Variants in USP6NL observed in about 807,000 individuals in gnomAD.
USP6NL encodes the protein USP6 N-terminal-like protein.
In USP6NL, 26 loss-of-function variants were observed where a neutral mutation model predicts 61.9. The ratio of observed to expected loss-of-function variants is 0.42; its 90% confidence interval spans 0.31 to 0.58. The LOEUF (loss-of-function observed/expected upper bound fraction) is 0.58, where lower values mean the gene tolerates loss of function less well. USP6NL is among the 20% of genes least tolerant of loss of function. The probability of loss-of-function intolerance (pLI) is 0.16; values close to 1 mark genes in which losing one functional copy is unlikely to be tolerated. For missense variants in USP6NL, 1,114 were observed against 1,034.3 expected, an observed-to-expected ratio of 1.08 and a Z score of -1.06; for synonymous variants, 432 against 390.1, an observed-to-expected ratio of 1.11 and a Z score of -1.27.
At chr10:11,556,695 C>T (rs534324153) in intron 2 of USP6NL, among the ~76,000 whole-genome samples, 1 of 152,160 alleles carries the variant, frequency 6.6e-6, no homozygotes, top group Admixed American at 6.5e-5. Flanking sequence ...CATTTTATTG[C>T]AACAAAACAA....
At chr10:11,555,470 AAAGAG>A (rs1836673589) in intron 2 of USP6NL, among the ~76,000 whole-genome samples, 1 of 79,276 alleles carries the variant, frequency 1.3e-5, no homozygotes, top group African/African-American at 5.0e-5. Flanking sequence ...AGAGAGAGAG[AAAGAG>A]AGAGAGAGAG....
In USP6NL at chr10:11,567,886, G is replaced by A. The variant is rs1276341805; in HGVS notation, c.4+29745C>T. 2.0e-5 allele frequency among the ~76,000 whole-genome samples: 3 copies of A among 152,084 alleles called. No individual in the cohort carries two copies. The East Asian group carries it at 5.8e-4, about 29-fold the overall frequency. ...TTCAGATAAAGAATCTAGTGTACAG[G>A]GAAGTTCCATAACTTGCTCAAGGCT... On this transcript the variant is annotated intron_variant, in intron 2 of 14. Transcript: ENST00000609104.
In USP6NL at chr10:11,573,775, C is replaced by T. The variant is rs549716276; in HGVS notation, c.4+23856G>A. On this transcript the variant is annotated intron_variant, in intron 2 of 14. Coordinates refer to ENST00000609104, the MANE Select transcript of USP6NL (RefSeq NM_014688.5). ...TTTCTGCTTTCAGAAAGCTCAAGCA[C>T]GAACACAGTTCAACTTCAGAGAAAT... The T allele has an allele frequency of 1.5e-4, 59 of 397,038 alleles. 1 individual carries two copies. The highest frequency in any genetic ancestry group is 6.7e-5 in the Non-Finnish European group (15 of 224,822). The allele number at this position is 397,038 out of a possible 1,614,324, so 24.6% of individuals were successfully genotyped here. A position where few individuals can be genotyped will look rare whatever the true frequency, so the allele number is the denominator to read the frequency against.
At chr10:11,558,669 A>G (rs1008557815) in intron 2 of USP6NL, among the ~76,000 whole-genome samples, 1 of 152,200 alleles carries the variant, frequency 6.6e-6, no homozygotes, top group African/African-American at 2.4e-5. Context: ...CCAAGCCTCT[A>G]AAGATTATCA....
chr10:11,601,726 G>A (rs961996544), intron 1 of USP6NL, among the ~76,000 whole-genome samples: 1 of 152,190 alleles, frequency 6.6e-6, no homozygotes, highest in Non-Finnish European at 1.5e-5. Flanking sequence ...AAAAGTAAAA[G>A]ACAAACACAA....
chr10:11,524,248 A>C (rs1835334572), intron 4 of USP6NL, among the ~76,000 whole-genome samples: 1 of 152,202 alleles, frequency 6.6e-6, no homozygotes, highest in African/African-American at 2.4e-5. Context: ...GATTATAACT[A>C]CTCAGAAGAA....
chr10:11,565,204 T>C (rs956082387), intron 2 of USP6NL: 4 of 152,250 alleles, frequency 2.6e-5, no homozygotes, highest in African/African-American at 9.6e-5. Context: ...CTTTTAACAC[T>C]ATTTTTCCTT....
chr10:11,546,093 C>T (rs2133470952), intron 2 of USP6NL, among the ~76,000 whole-genome samples: 1 of 152,326 alleles, frequency 6.6e-6, no homozygotes, highest in East Asian at 1.9e-4. Flanking sequence ...TTTACAATTT[C>T]ACAAACTCTC....
At chr10:11,498,491 G>A (rs1834042090) in intron 7 of USP6NL, among the ~76,000 whole-genome samples, 1 of 151,892 alleles carries the variant, frequency 6.6e-6, no homozygotes, top group African/African-American at 2.4e-5. Context: ...ACCTTGGGGT[G>A]AAAAGTCACC....
In USP6NL at chr10:11,460,571, A is replaced by G. The variant is rs2096210322; in HGVS notation, c.*1870T>C. ...CATCAAAAAAGTATACAGATAAAAA[A>G]TGTCATAAATGACATAAGAAAATAG... On this transcript the variant is annotated 3_prime_UTR_variant, in exon 15 of 15. Coordinates refer to ENST00000609104, the MANE Select transcript of USP6NL (RefSeq NM_014688.5). 6.7e-6 allele frequency: 1 copy of G among 149,914 alleles called. No individual in the cohort carries two copies. 9.3% of individuals were successfully genotyped at this position (149,914 alleles called of 1,614,324 possible).
chr10:11,573,590 A>T (rs1432412588), intron 2 of USP6NL: 4 of 398,818 alleles, frequency 1.0e-5, no homozygotes, highest in Non-Finnish European at 1.8e-5. Context: ...TTGATTGTTC[A>T]TTCTGCTAAT....
intron 2 of USP6NL, among the ~76,000 whole-genome samples, chr10:11,555,200 G>C (rs144720721): frequency 3.9e-4 from 57 of 145,450 alleles, no homozygotes; most frequent in African/African-American, 1.4e-3. Flanking sequence ...TGGATCACCT[G>C]AGGTCAGGAG....
Position 11,490,886 on chromosome 10 carries a change from GA to G in USP6NL, c.495-7del. 1 of 1,523,286 alleles carries G rather than the reference GA, an allele frequency of 6.6e-7. No homozygotes were observed. 94.4% of individuals were successfully genotyped at this position (1,523,286 alleles called of 1,614,324 possible). A position where few individuals can be genotyped will look rare whatever the true frequency, so the allele number is the denominator to read the frequency against. On this transcript the variant is annotated splice_region_variant and splice_polypyrimidine_tract_variant and intron_variant, in intron 8 of 14. Coordinates refer to ENST00000609104, the MANE Select transcript of USP6NL (RefSeq NM_014688.5). The surrounding 1 kb of genome is among the most constrained non-coding windows in gnomAD (Gnocchi z 4.5). ...CATGGAATAAGGATTGTTGCCTAGA[GA>G]AAAAAATTTACATTAAATACAATTT... is the stretch of plus-strand genomic sequence containing the variant.
At chr10:11,606,962 G>GT (rs1446785165) in intron 1 of USP6NL, among the ~76,000 whole-genome samples, 1 of 151,982 alleles carries the variant, frequency 6.6e-6, no homozygotes, top group Non-Finnish European at 1.5e-5. Context: ...ACTAATTTTT[G>GT]TATTTCTGGT....
intron 6 of USP6NL, among the ~76,000 whole-genome samples, chr10:11,502,258 CA>C (rs58597235): frequency 0.02 from 1,941 of 96,900 alleles, 11 homozygotes; most frequent in African/African-American, 0.022. Context: ...GACTCCATCT[CA>C]AAAAAAAAAA....
chr10:11,527,528 C>A lies in USP6NL; in HGVS notation c.44G>T (p.Arg15Leu). The change falls in exon 3 of 15, where the codon CGA becomes CTA. Residue 15 changes from arginine (R) to leucine (L), a missense_variant. Coordinates refer to ENST00000609104, the MANE Select transcript of USP6NL (RefSeq NM_014688.5). ...GTCATATTTAGCAACTATTTCAGCT[C>A]GCTCCTGGGCAAGTTTGAGTGCTAC... Reference protein sequence around the residue: ...QDVALKLAQERAEIVAKYDRG... With the variant: ...QDVALKLAQELAEIVAKYDRG... The A allele has an allele frequency of 6.2e-7, 1 of 1,608,764 alleles. No homozygotes were observed. Among genetic ancestry groups the A allele is most frequent in the Admixed American group, 1.7e-5 (1 of 59,502 alleles).
intron 2 of USP6NL, among the ~76,000 whole-genome samples, chr10:11,555,451 T>TATATATATATATAG (rs1427219382): frequency 2.8e-4 from 17 of 60,988 alleles, no homozygotes; most frequent in Non-Finnish European, 4.3e-4. Context: ...TATATATATA[T>TATATATATATATAG]AGAGAGAGAG....
chr10:11,580,089 C>T (rs1324898831), intron 2 of USP6NL, among the ~76,000 whole-genome samples: 6 of 149,870 alleles, frequency 4.0e-5, no homozygotes, highest in East Asian at 2.1e-4. Context: ...ACAGCCTCCA[C>T]GAGAATTATC....
rs1835049685 is a variant in USP6NL at position 11,518,433 on chromosome 10, T to C, written c.195+102A>G. On this transcript the variant is annotated intron_variant, in intron 5 of 14. Transcript: ENST00000609104. This position sits in a 1 kb window ranked among gnomAD's most constrained non-coding sequence, Gnocchi z 5.3. ...CAAAATCTAACAATGACTGTACCATTCCCATATAATATGGCACTTAAAATC... is the reference window on the plus strand; with the variant it reads ...CAAAATCTAACAATGACTGTACCATCCCCATATAATATGGCACTTAAAATC... The C allele has an allele frequency of 1.0e-6, 1 of 978,204 alleles. No homozygotes were observed. Among genetic ancestry groups the C allele is most frequent in the South Asian group, 1.4e-5 (1 of 73,698 alleles). The allele number at this position is 978,204 out of a possible 1,614,324, so 60.6% of individuals were successfully genotyped here.
Sources: gnomAD v4.1 joint callset for allele counts (sites outside exome capture counted in the v4.1 genomes callset) on GRCh38, gnomAD v4.1.1 for gene constraint, Gnocchi (gnomAD v3.1) non-coding constraint, MANE v1.5 for transcripts, NCBI Gene and HGNC (gene_info 2026-07-23, HGNC 2026-07-21) for gene names.